Variants in ATAD2B observed in about 807,000 individuals in gnomAD.
ATAD2B encodes the protein ATPase family AAA domain containing 2B, also known as ATPase family AAA domain-containing protein 2B.
Under a neutral mutation model 167.6 loss-of-function variants are expected in ATAD2B, and 40 were observed. The observed-to-expected ratio is 0.24, with a 90% confidence interval of 0.19 to 0.31. The LOEUF (loss-of-function observed/expected upper bound fraction) is 0.31, where lower values mean the gene tolerates loss of function less well. ATAD2B is among the 10% of genes least tolerant of loss of function. The probability of loss-of-function intolerance (pLI) is 1.00; values close to 1 mark genes in which losing one functional copy is unlikely to be tolerated. For synonymous variants in ATAD2B, 579 were observed against 596.5 expected (o/e 0.97, Z 0.43); for missense variants, 1,242 against 1,757.2 (o/e 0.71, Z 5.24).
the ATAD2B span, chr2:23,695,691 T>G: frequency 6.4e-7 from 1 of 1,551,618 alleles, no homozygotes; most frequent in East Asian, 2.4e-5. This position sits in a 1 kb window ranked among gnomAD's most constrained non-coding sequence, Gnocchi z 7.6. Flanking sequence ...TCAATGTGGT[T>G]GACAATGAAG....
intron 15 of ATAD2B, among the ~76,000 whole-genome samples, chr2:23,824,628 T>C (rs1687965462): frequency 6.6e-6 from 1 of 152,218 alleles, no homozygotes; most frequent in Non-Finnish European, 1.5e-5. Context: ...AAATGACTGA[T>C]AATCTAAGGG....
intron 13 of ATAD2B, among the ~76,000 whole-genome samples, chr2:23,855,183 A>ACT (rs1222506403): frequency 6.8e-6 from 1 of 146,252 alleles, no homozygotes; most frequent in Non-Finnish European, 1.5e-5. Flanking sequence ...ACAGAGCAAG[A>ACT]CTCTGTCTCA....
At chr2:23,739,991 A>G in the ATAD2B span, among the ~76,000 whole-genome samples, 2 of 152,250 alleles carry the variant, frequency 1.3e-5, no homozygotes, top group African/African-American at 4.8e-5. Flanking sequence ...TCCTCCCAAG[A>G]CTAAACCAGG....
chr2:23,919,004 C>G (rs1703482908), intron 1 of ATAD2B, among the ~76,000 whole-genome samples: 1 of 152,160 alleles, frequency 6.6e-6, no homozygotes, highest in South Asian at 2.1e-4. Flanking sequence ...TTGGTTTACT[C>G]TTCTCCTTAT....
At chr2:23,715,886 T>C in the ATAD2B span, among the ~76,000 whole-genome samples, 1 of 152,218 alleles carries the variant, frequency 6.6e-6, no homozygotes, top group African/African-American at 2.4e-5. Context: ...AGCTGACAGC[T>C]TACTGATGTT....
At chr2:23,700,072 C>CTT in the ATAD2B span, among the ~76,000 whole-genome samples, 1 of 152,234 alleles carries the variant, frequency 6.6e-6, no homozygotes, top group Non-Finnish European at 1.5e-5. This position sits in a 1 kb window ranked among gnomAD's most constrained non-coding sequence, Gnocchi z 4.6. Context: ...TCCCTCTGCA[C>CTT]TTTGGATTCC....
intron 1 of ATAD2B, among the ~76,000 whole-genome samples, chr2:23,901,875 C>T (rs1700882909): frequency 6.6e-6 from 1 of 151,392 alleles, no homozygotes; most frequent in Non-Finnish European, 1.5e-5. Flanking sequence ...TACTATGTAC[C>T]ATTGAACTGA....
chr2:23,926,944 C>T lies in ATAD2B; in HGVS notation c.-174G>A, dbSNP rs1704975185. The T allele has an allele frequency of 2.7e-6, 2 of 743,224 alleles. No homozygotes were observed. The highest frequency in any genetic ancestry group is 3.3e-5 in the East Asian group (1 of 30,130). 46.0% of individuals were successfully genotyped at this position (743,224 alleles called of 1,614,324 possible). On this transcript the variant is annotated 5_prime_UTR_variant, in exon 1 of 28. Transcript: ENST00000238789. ...GAGAGCCGGGCAGAGGAAGGGAAGT[C>T]GGCGTGAGCAGGCGGCGTGCGGGAA...
chr2:23,690,826 A>G, the ATAD2B span: 1 of 152,238 alleles, frequency 6.6e-6, no homozygotes, highest in Non-Finnish European at 1.5e-5. Context: ...ATGGTTTTGT[A>G]TTCCTGTAGA....
chr2:23,739,528 A>C, the ATAD2B span, among the ~76,000 whole-genome samples: 1 of 152,210 alleles, frequency 6.6e-6, no homozygotes, highest in Non-Finnish European at 1.5e-5. Context: ...ACATACCAGA[A>C]TCTCTGGGAC....
intron 16 of ATAD2B, among the ~76,000 whole-genome samples, chr2:23,821,782 T>C (rs1164795502): frequency 6.6e-6 from 1 of 152,188 alleles, no homozygotes; most frequent in Non-Finnish European, 1.5e-5. Context: ...ATGTTTTTCC[T>C]GTAAATGAGT....
At chr2:23,703,267 C>T in the ATAD2B span, 15 of 1,548,026 alleles carry the variant, frequency 9.7e-6, no homozygotes, top group East Asian at 2.5e-5. Flanking sequence ...CAGTGTGTGG[C>T]GGCAAGATCT....
intron 23 of ATAD2B, among the ~76,000 whole-genome samples, chr2:23,763,164 G>A (rs2149324614): frequency 6.6e-6 from 1 of 152,230 alleles, no homozygotes; most frequent in East Asian, 1.9e-4. Flanking sequence ...TATCTAGATT[G>A]GGAGTATTAG....
the ATAD2B span, among the ~76,000 whole-genome samples, chr2:23,721,909 G>A: frequency 2.6e-5 from 4 of 152,232 alleles, no homozygotes; most frequent in South Asian, 4.1e-4. Context: ...AGGCTGGTGA[G>A]CCCATCCCTG....
intron 22 of ATAD2B, among the ~76,000 whole-genome samples, chr2:23,769,712 GTTT>G (rs1266284550): frequency 0.029 from 3,729 of 127,946 alleles, 37 homozygotes; most frequent in Middle Eastern, 0.045. Context: ...CTCACTGTGG[GTTT>G]TTTTTTTTTT....
chr2:23,824,176 G>A (rs971557487), intron 15 of ATAD2B, among the ~76,000 whole-genome samples: 18 of 151,960 alleles, frequency 1.2e-4, no homozygotes, highest in African/African-American at 4.4e-4. Context: ...TGCCTAGGCT[G>A]GTCTCAAACT....
chr2:23,696,594 C>T, the ATAD2B span: 5 of 1,150,262 alleles, frequency 4.3e-6, no homozygotes, highest in Non-Finnish European at 6.1e-6. This position sits in a 1 kb window ranked among gnomAD's most constrained non-coding sequence, Gnocchi z 5.5. Context: ...TACCTCCCAA[C>T]ACCCACTCAG....
chr2:23,872,162 C>T (rs1266080288), intron 8 of ATAD2B: 1 of 289,094 alleles, frequency 3.5e-6, no homozygotes, highest in Non-Finnish European at 6.8e-6. Flanking sequence ...AGGCATGAGC[C>T]ACCATGCCCA....
chr2:23,699,572 G>A, the ATAD2B span, among the ~76,000 whole-genome samples: 2 of 152,206 alleles, frequency 1.3e-5, no homozygotes, highest in African/African-American at 4.8e-5. Context: ...GCTGCCTCCT[G>A]TTGTCCTTTC....
Sources: gnomAD v4.1 joint callset for allele counts (sites outside exome capture counted in the v4.1 genomes callset) on GRCh38, gnomAD v4.1.1 for gene constraint, Gnocchi (gnomAD v3.1) non-coding constraint, MANE v1.5 for transcripts, NCBI Gene and HGNC (gene_info 2026-07-23, HGNC 2026-07-21) for gene names.